The following ZFHX3 variants were observed in gnomAD, a reference collection of about 807,000 sequenced individuals.
The protein encoded by ZFHX3 is zinc finger homeobox protein 3.
In ZFHX3, 42 loss-of-function variants were observed where a neutral mutation model predicts 279.1. The ratio of observed to expected loss-of-function variants is 0.15; its 90% CI spans 0.12 to 0.19. ZFHX3 has a LOEUF of 0.19. ZFHX3 is among the 10% of genes least tolerant of loss of function. The pLI is 1.00. For synonymous variants in ZFHX3, 2,293 were observed against 1,957.8 expected (o/e 1.17, Z -4.52); for missense variants, 4,981 against 4,754.0 (o/e 1.05, Z -1.40).
chr16:73,712,697 G>T (rs1202857598), intron 1 of ZFHX3, among the ~76,000 whole-genome samples: 1 of 152,140 alleles, frequency 6.6e-6, no homozygotes, highest in African/African-American at 2.4e-5. Flanking sequence ...AGTACAAAAG[G>T]AAACCAAGTC....
chr16:73,840,631 T>C (rs1961278891), intron 1 of ZFHX3, among the ~76,000 whole-genome samples: 1 of 152,190 alleles, frequency 6.6e-6, no homozygotes, highest in Admixed American at 6.5e-5. Context: ...CAGAAGCACT[T>C]TTTGTCCATA....
chr16:73,070,489 C>G (rs947394375), intron 8 of ZFHX3, among the ~76,000 whole-genome samples: 1 of 152,158 alleles, frequency 6.6e-6, no homozygotes, highest in African/African-American at 2.4e-5. Context: ...TTTTCCTCTC[C>G]GAATCATATT....
chr16:73,070,406 G>C (rs1965807405), intron 8 of ZFHX3, among the ~76,000 whole-genome samples: 3 of 151,992 alleles, frequency 2.0e-5, no homozygotes, highest in Non-Finnish European at 4.4e-5. Flanking sequence ...ATTCACATTT[G>C]TCCCCACCTC....
intron 4 of ZFHX3, among the ~76,000 whole-genome samples, chr16:73,276,529 G>T (rs1039362465): frequency 1.3e-5 from 2 of 151,978 alleles, no homozygotes; most frequent in African/African-American, 4.8e-5. Flanking sequence ...CATGGTACAG[G>T]TTTACATAAT....
intron 5 of ZFHX3, among the ~76,000 whole-genome samples, chr16:73,224,157 C>G (rs901376527): frequency 6.6e-6 from 1 of 152,112 alleles, no homozygotes; most frequent in Non-Finnish European, 1.5e-5. Context: ...CAAGAGTGAA[C>G]CCTGATGTGA....
chr16:73,270,130 G>A (rs1257289113), intron 4 of ZFHX3, among the ~76,000 whole-genome samples: 1 of 152,122 alleles, frequency 6.6e-6, no homozygotes, highest in Non-Finnish European at 1.5e-5. Flanking sequence ...CTTGGTATTG[G>A]AAGTTTTGAA....
intron 4 of ZFHX3, among the ~76,000 whole-genome samples, chr16:73,283,057 CT>C (rs1354712304): frequency 6.6e-6 from 1 of 152,190 alleles, no homozygotes; most frequent in African/African-American, 2.4e-5. Flanking sequence ...AAACATCAAG[CT>C]GGTCAGTATT....
At chr16:73,011,047 T>C (rs146738167) in intron 1 of ZFHX3, among the ~76,000 whole-genome samples, 136 of 152,272 alleles carry the variant, frequency 8.9e-4, no homozygotes, top group Non-Finnish European at 1.7e-3. Context: ...AGTGGCGTGA[T>C]CTTGGCTCAC....
intron 5 of ZFHX3, among the ~76,000 whole-genome samples, chr16:73,180,273 T>G (rs774401890): frequency 8.5e-5 from 13 of 152,128 alleles, no homozygotes; most frequent in Non-Finnish European, 1.9e-4. Flanking sequence ...TTTAAAGGCA[T>G]GTTGGGAAGA....
intron 2 of ZFHX3, among the ~76,000 whole-genome samples, chr16:73,473,622 C>T (rs1266953803): frequency 6.6e-6 from 1 of 152,148 alleles, no homozygotes; most frequent in Non-Finnish European, 1.5e-5. Context: ...TTCCTGCTTC[C>T]ACCTCTCTGA....
At chr16:73,589,608 T>A (rs555004063) in intron 2 of ZFHX3, among the ~76,000 whole-genome samples, 2 of 151,122 alleles carry the variant, frequency 1.3e-5, no homozygotes, top group East Asian at 2.0e-4. Flanking sequence ...TGGGTGCCTG[T>A]AGTCCCAGCT....
intron 1 of ZFHX3, among the ~76,000 whole-genome samples, chr16:73,876,103 G>A (rs189014991): frequency 4.5e-4 from 69 of 152,308 alleles, no homozygotes; most frequent in African/African-American, 1.6e-3. Context: ...CACAGCGTAT[G>A]AAACATGAAA....
At chr16:73,619,647 C>T (rs1567534715) in intron 2 of ZFHX3, among the ~76,000 whole-genome samples, 2 of 151,924 alleles carry the variant, frequency 1.3e-5, no homozygotes. Context: ...TATCCAAATC[C>T]AAGTGTATTT....
intron 2 of ZFHX3, among the ~76,000 whole-genome samples, chr16:73,587,708 T>C (rs556277192): frequency 1.7e-4 from 26 of 152,204 alleles, no homozygotes; most frequent in Non-Finnish European, 3.1e-4. Context: ...AATAGAGAAA[T>C]AGTAATTGGA....
At chr16:73,441,954 C>T (rs1227354617) in intron 3 of ZFHX3, among the ~76,000 whole-genome samples, 3 of 152,152 alleles carry the variant, frequency 2.0e-5, no homozygotes, top group Non-Finnish European at 4.4e-5. Flanking sequence ...AATGCGACAT[C>T]GTGTGCGGAT....
intron 1 of ZFHX3, among the ~76,000 whole-genome samples, chr16:73,817,475 C>T (rs1375771340): frequency 6.6e-6 from 1 of 152,184 alleles, no homozygotes; most frequent in Non-Finnish European, 1.5e-5. Flanking sequence ...AGTTCCTCTA[C>T]CTATTCTCCT....
intron 4 of ZFHX3, among the ~76,000 whole-genome samples, chr16:73,293,152 G>C (rs963704814): frequency 1.3e-5 from 2 of 152,200 alleles, no homozygotes; most frequent in Non-Finnish European, 2.9e-5. Flanking sequence ...TGAGGAGATG[G>C]GGATGGGGAC....
intron 3 of ZFHX3, among the ~76,000 whole-genome samples, chr16:73,364,793 G>T (rs1204210588): frequency 6.6e-6 from 1 of 152,184 alleles, no homozygotes; most frequent in African/African-American, 2.4e-5. Context: ...TCTCACAGTT[G>T]CCATTTGTGG....
chr16:73,606,161 G>A lies in ZFHX3; in HGVS notation c.-1547+74019C>T, dbSNP rs184011344. 3.1e-3 allele frequency among the ~76,000 whole-genome samples: 383 copies of A among 124,082 alleles called. 5 individuals carry two copies. Among genetic ancestry groups the A allele is most frequent in the African/African-American group, 0.011 (368 of 32,708 alleles). 81.4% of individuals were successfully genotyped at this position (124,082 alleles called of 152,430 possible). A position where few individuals can be genotyped will look rare whatever the true frequency, so the allele number is the denominator to read the frequency against. Reference sequence around the variant, plus strand: ...TGTGCCACTGCACTCCAGCCTGGGGGATTGAGCTAGGCTCCATCTAAAAAA... The same window carrying A: ...TGTGCCACTGCACTCCAGCCTGGGGAATTGAGCTAGGCTCCATCTAAAAAA... On this transcript the variant is annotated intron_variant, in intron 2 of 17. Coordinates refer to the ZFHX3 transcript ENST00000641206.
Sources: gnomAD v4.1 joint callset for allele counts (sites outside exome capture counted in the v4.1 genomes callset) on GRCh38, gnomAD v4.1.1 for gene constraint, MANE v1.5 for transcripts, NCBI Gene and HGNC (gene_info 2026-07-23, HGNC 2026-07-21) for gene names.